RTF1: variants seen among roughly 807,000 people sequenced by gnomAD.
RTF1 encodes RTF1 homolog, Paf1/RNA polymerase II complex component.
Under a neutral mutation model 95.7 loss-of-function variants are expected in RTF1, and 10 were observed. The ratio of observed to expected loss-of-function variants is 0.10; its 90% CI spans 0.06 to 0.18. The LOEUF is 0.18. Ranked by LOEUF, RTF1 falls within the 10% of genes least tolerant of loss-of-function variation. The pLI is 1.00. For missense variants in RTF1, 458 were observed against 875.6 expected (o/e 0.52, Z 6.02); for synonymous variants, 305 against 311.8 (o/e 0.98, Z 0.23).
chr15:41,430,624 C>G (rs1004404766), intron 1 of RTF1, among the ~76,000 whole-genome samples: 1 of 151,366 alleles, frequency 6.6e-6, no homozygotes, highest in South Asian at 2.1e-4. Context: ...GCCTGTAGTC[C>G]CAGCTACTTG....
chr15:41,446,199 G>A (rs1467373785), intron 2 of RTF1, among the ~76,000 whole-genome samples: 1 of 152,036 alleles, frequency 6.6e-6, no homozygotes, highest in Non-Finnish European at 1.5e-5. Flanking sequence ...AGTTCATATG[G>A]AAACCTACAA....
intron 1 of RTF1, among the ~76,000 whole-genome samples, chr15:41,428,257 CTTTTTTTTTTTTT>C (rs535870983): frequency 3.1e-5 from 3 of 95,934 alleles, no homozygotes; most frequent in Non-Finnish European, 1.9e-5. Context: ...ACTGATATCC[CTTTTTTTTTTTTT>C]TTTTTTTTTT....
intron 15 of RTF1, 168 bp from the exon 16 acceptor site, chr15:41,478,934 TG>T (rs2050956045): frequency 1.6e-6 from 1 of 619,400 alleles, no homozygotes; most frequent in Non-Finnish European, 2.8e-6. Context: ...CTTTCAAGCT[TG>T]TAATTGCCTT....
intron 15 of RTF1, 97 bp downstream of exon 15, chr15:41,478,722 T>C: frequency 9.0e-7 from 1 of 1,107,764 alleles, no homozygotes; most frequent in Non-Finnish European, 1.4e-6. Flanking sequence ...AAATAATGTT[T>C]TCTTAGCTGG....
At chr15:41,432,291 G>A (rs540993246) in intron 1 of RTF1, among the ~76,000 whole-genome samples, 2 of 149,870 alleles carry the variant, frequency 1.3e-5, no homozygotes, top group East Asian at 2.0e-4. Flanking sequence ...TCCGCCTCCC[G>A]GGTTCACGCC....
At chr15:41,438,284 T>G (rs2050715112) in intron 1 of RTF1, 37 bp from the exon 2 acceptor site, 2 of 1,388,212 alleles carry the variant, frequency 1.4e-6, no homozygotes, top group Non-Finnish European at 9.9e-7. Flanking sequence ...TCTTTCTCTG[T>G]TGAACAAAAC....
chr15:41,476,304 T>G (rs2050941624), intron 11 of RTF1, 142 bp from the exon 12 acceptor site: 1 of 663,196 alleles, frequency 1.5e-6, no homozygotes, highest in South Asian at 1.6e-5. Flanking sequence ...GAACCCGCTC[T>G]CTCTCTCTCT....
At chr15:41,426,123 A>C (rs186924734) in intron 1 of RTF1, among the ~76,000 whole-genome samples, 100 of 147,710 alleles carry the variant, frequency 6.8e-4, no homozygotes, top group African/African-American at 2.4e-3. Context: ...TGATCTCTAC[A>C]AAAAAAAAAA....
chr15:41,441,053 G>A (rs1232012291), intron 2 of RTF1, among the ~76,000 whole-genome samples: 1 of 141,468 alleles, frequency 7.1e-6, no homozygotes, highest in African/African-American at 2.7e-5. Flanking sequence ...CTTACTGCAA[G>A]CTCCGCCTCC....
At chr15:41,438,227 T>C (rs1326591624) in intron 1 of RTF1, 94 bp from the exon 2 acceptor site, 3 of 799,824 alleles carry the variant, frequency 3.8e-6, no homozygotes, top group Non-Finnish European at 5.7e-6. Context: ...AACACAAAAA[T>C]ATAAAAAAGA....
intron 8 of RTF1, among the ~76,000 whole-genome samples, chr15:41,472,232 G>A (rs2050916285): frequency 7.3e-6 from 1 of 136,612 alleles, no homozygotes; most frequent in African/African-American, 2.7e-5. Flanking sequence ...TTCAGACAGA[G>A]TTTCGCTTTT....
chr15:41,427,449 C>G (rs942378323), intron 1 of RTF1, among the ~76,000 whole-genome samples: 4 of 152,150 alleles, frequency 2.6e-5, no homozygotes, highest in Admixed American at 2.0e-4. Context: ...CTGCGCCCGG[C>G]CCTACAAAAT....
intron 2 of RTF1, among the ~76,000 whole-genome samples, chr15:41,445,734 A>ATT (rs66494134): frequency 2.7e-4 from 35 of 132,038 alleles, no homozygotes; most frequent in Non-Finnish European, 3.1e-4. Context: ...TCCTGACCCC[A>ATT]TTTTTTTTTT....
intron 1 of RTF1, among the ~76,000 whole-genome samples, chr15:41,434,687 A>G (rs2050692957): frequency 1.4e-5 from 2 of 146,828 alleles, no homozygotes; most frequent in African/African-American, 5.1e-5. Flanking sequence ...GAGTGCAGTG[A>G]TGCGATCTCT....
At position 41,475,747 on chromosome 15, in the gene RTF1, T is replaced by G. The variant is rs751274105; in HGVS notation, c.1410T>G (p.Asp470Glu). The change falls in exon 11 of 18, where the codon GAT (aspartate) becomes GAG (glutamate). Residue 470 changes from aspartate (D) to glutamate (E), a missense_variant. Asp to Glu is a conservative substitution (Grantham distance 45, BLOSUM62 2). This residue lies in a region of RTF1 where 150 missense variants were observed against 275.7 expected (regional missense o/e 0.54). Transcript: ENST00000389629. ...FSAGMQLPTLDEINKKELSIK... is the reference protein window; with the variant it reads ...FSAGMQLPTLEEINKKELSIK... ...CTGGCATGCAGTTGCCCACTCTAGA[T>G]GAAATCAATAAAAAGGAATTATCTA... 6.2e-7 allele frequency: 1 copy of G among 1,610,016 alleles called. No individual in the cohort carries two copies. The highest frequency in any genetic ancestry group is 1.7e-5 in the Admixed American group (1 of 59,770).
Position 41,474,602 on chromosome 15 carries a change from C to T in RTF1, c.1204-18C>T, listed in dbSNP as rs1595440571. The T allele has an allele frequency of 6.3e-7, 1 of 1,595,070 alleles. No individual in the cohort carries two copies. Among genetic ancestry groups the T allele is most frequent in the East Asian group, 2.2e-5 (1 of 44,792 alleles). ...GGAAGAGTCTGGTTTTGACTGGCGTCTCTGTCCTCTCACTTAGGTCGCTGA... is the reference window on the plus strand; with the variant it reads ...GGAAGAGTCTGGTTTTGACTGGCGTTTCTGTCCTCTCACTTAGGTCGCTGA... On this transcript the variant is annotated intron_variant, in intron 8 of 17. Transcript: ENST00000389629.
intron 1 of RTF1, among the ~76,000 whole-genome samples, chr15:41,437,881 C>T (rs1566839022): frequency 6.6e-6 from 1 of 152,076 alleles, no homozygotes; most frequent in African/African-American, 2.4e-5. Flanking sequence ...ATAAAATGAC[C>T]TCAGAAATTA....
intron 11 of RTF1, 76 bp from the exon 12 acceptor site, chr15:41,476,370 C>T: frequency 8.3e-7 from 1 of 1,205,142 alleles, no homozygotes; most frequent in Non-Finnish European, 1.2e-6. Flanking sequence ...TGTTTGCATC[C>T]AAAATGGGCT....
intron 1 of RTF1, among the ~76,000 whole-genome samples, chr15:41,434,141 G>A (rs1002461150): frequency 1.4e-5 from 2 of 139,720 alleles, no homozygotes; most frequent in Non-Finnish European, 1.6e-5. Flanking sequence ...CACCACGCCT[G>A]GCCTTTTTTT....
Sources: allele counts gnomAD v4.1 joint callset (sites outside exome capture counted in the v4.1 genomes callset), GRCh38; gene constraint gnomAD v4.1.1; regional missense constraint gnomAD v4.1.1; transcripts MANE v1.5; gene names NCBI Gene and HGNC (gene_info 2026-07-23, HGNC 2026-07-21).